ZMYND19: variants seen among roughly 807,000 people sequenced by gnomAD.
The protein encoded by ZMYND19 is zinc finger MYND domain-containing protein 19.
A neutral mutation model predicts 32.0 loss-of-function variants in ZMYND19; 17 were observed. That is an observed-to-expected ratio of 0.53 (90% CI 0.36 to 0.80). The LOEUF is 0.80. Among genes scored for constraint, ZMYND19 ranks in the 30% least tolerant of loss-of-function variants. ZMYND19 has a pLI of 0.00. For synonymous variants in ZMYND19, 124 were observed against 113.6 expected (o/e 1.09, Z -0.58); for missense variants, 250 against 293.6 (o/e 0.85, Z 1.09).
rs1325152851 is a variant in ZMYND19, at chr9:137,582,487, C to G, written c.*56G>C. The G allele has an allele frequency of 1.8e-5, 28 of 1,576,126 alleles. No homozygotes were observed. The highest frequency in any genetic ancestry group is 2.2e-5 in the Non-Finnish European group (26 of 1,160,654). ...TCCAGGTTCAACCACCAGTCTGTCT[C>G]TGCTGTGCCCAGGGTAGAGCCCGGG... On this transcript the variant is annotated 3_prime_UTR_variant, in exon 6 of 6. Coordinates refer to ENST00000298585, the MANE Select transcript of ZMYND19 (RefSeq NM_138462.3).
intron 2 of ZMYND19, among the ~76,000 whole-genome samples, 190 bp from the exon 3 acceptor site, chr9:137,588,013 ACT>A (rs564792433): frequency 3.0e-4 from 46 of 152,154 alleles, no homozygotes; most frequent in Admixed American, 5.9e-4. Context: ...GCCCACCACC[ACT>A]CTGTCTATTC....
chr9:137,582,539 C>T lies in ZMYND19; in HGVS notation c.*4G>A. On this transcript the variant is annotated 3_prime_UTR_variant, in exon 6 of 6. Coordinates refer to ENST00000298585, the MANE Select transcript of ZMYND19 (RefSeq NM_138462.3). The stretch of plus-strand genomic sequence containing the variant: ...GCTGTGAGTATGTGTGGCTCCCCTG[C>T]CCGTCATCGCTCTGGCTCAAGCTCA... 6.2e-7 allele frequency: 1 copy of T among 1,611,496 alleles called. No individual in the cohort carries two copies. Among genetic ancestry groups the T allele is most frequent in the Non-Finnish European group, 8.5e-7 (1 of 1,179,674 alleles).
rs1842156815 is a variant in ZMYND19, at chr9:137,582,422, C to A, written c.*121G>T. On this transcript the variant is annotated 3_prime_UTR_variant, in exon 6 of 6. Transcript: ENST00000298585. ...ACTGCCTGTGACATCGGGAGTCTCA[C>A]GGCAGCTGTCCTGGGCCCGCAGCTG... 5.0e-6 allele frequency: 7 copies of A among 1,403,190 alleles called. No homozygotes were observed. The highest frequency in any genetic ancestry group is 6.7e-6 in the Non-Finnish European group (7 of 1,047,162). 86.9% of individuals were successfully genotyped at this position (1,403,190 alleles called of 1,614,324 possible). A position where few individuals can be genotyped will look rare whatever the true frequency, so the allele number is the denominator to read the frequency against.
chr9:137,588,642 C>T lies in ZMYND19; in HGVS notation c.111+17G>A, dbSNP rs1223237588. The T allele has an allele frequency of 1.2e-6, 2 of 1,613,924 alleles. No homozygotes were observed. The highest frequency in any genetic ancestry group is 2.7e-5 in the African/African-American group (2 of 74,944). Reference sequence around the variant, plus strand: ...TGACCACGAGCATCAGGGGAGGGAACAGCCATCCTTACTTACCTCAAAGGA... The same window carrying T: ...TGACCACGAGCATCAGGGGAGGGAATAGCCATCCTTACTTACCTCAAAGGA... On this transcript the variant is annotated intron_variant, in intron 2 of 5. Transcript: ENST00000298585.
intron 4 of ZMYND19, among the ~76,000 whole-genome samples, chr9:137,585,257 T>A (rs1246478716): frequency 6.6e-6 from 1 of 151,332 alleles, no homozygotes; most frequent in Admixed American, 6.6e-5. Context: ...ATCCCACCTC[T>A]ACTAAAAATA....
intron 2 of ZMYND19, 40 bp from the exon 3 acceptor site, chr9:137,587,863 A>G: frequency 6.3e-7 from 1 of 1,580,228 alleles, no homozygotes; most frequent in South Asian, 1.1e-5. Flanking sequence ...AAAAACCTCC[A>G]ATTCTCAGCA....
rs1313817569 is a variant in ZMYND19 at position 137,587,069 on chromosome 9, A to C, written c.257T>G (p.Val86Gly). The change falls in exon 4 of 6, where the codon GTG (valine) becomes GGG (glycine). Residue 86 changes from valine (V) to glycine (G), a missense_variant. By Grantham distance (109) the Val-to-Gly change is moderately radical (BLOSUM62 -3). Coordinates refer to ENST00000298585, the MANE Select transcript of ZMYND19 (RefSeq NM_138462.3). ...CACGGTCACAGCGTTGAGGTGCACC[A>C]CCTGGAAGCCCGGGGCCACGCCCCC... ...HRGGVAPGFQ[V>G]VHLNAVTVDN... 6.2e-7 allele frequency: 1 copy of C among 1,609,740 alleles called. No individual in the cohort carries two copies. Among genetic ancestry groups the C allele is most frequent in the Admixed American group, 1.7e-5 (1 of 60,034 alleles).
chr9:137,587,701 G>A lies in ZMYND19; in HGVS notation c.218+16C>T. On this transcript the variant is annotated intron_variant, in intron 3 of 5. Coordinates refer to ENST00000298585, the MANE Select transcript of ZMYND19 (RefSeq NM_138462.3). ...AGCCCAGTGGCGGGGGGCAGAGACA[G>A]CTTGGAAACACCCACCACAGCAGCT... 6.2e-7 allele frequency: 1 copy of A among 1,612,222 alleles called. No individual in the cohort carries two copies. The highest frequency in any genetic ancestry group is 8.5e-7 in the Non-Finnish European group (1 of 1,178,548).
chr9:137,586,890 T>C (rs1588973874), intron 4 of ZMYND19, 77 bp downstream of exon 4: 4 of 1,588,670 alleles, frequency 2.5e-6, no homozygotes, highest in Non-Finnish European at 3.4e-6. Flanking sequence ...GGAGACCCTC[T>C]TGGAAACAAG....
intron 4 of ZMYND19, among the ~76,000 whole-genome samples, chr9:137,585,819 TCACCAAGCCCGAAA>T (rs1842197873): frequency 6.6e-6 from 1 of 152,182 alleles, no homozygotes; most frequent in Non-Finnish European, 1.5e-5. Context: ...CCACCAACCA[TCACCAAGCCCGAAA>T]CACTAAACCT....
At chr9:137,587,531 G>C (rs1043407249) in intron 3 of ZMYND19, 186 bp downstream of exon 3, 1 of 629,572 alleles carries the variant, frequency 1.6e-6, no homozygotes. Context: ...TCCACTTGGT[G>C]TTTGAAGTGC....
At chr9:137,589,379 C>T (rs1375787218) in intron 1 of ZMYND19, 3 of 985,324 alleles carry the variant, frequency 3.0e-6, no homozygotes, top group South Asian at 4.7e-5. Flanking sequence ...GGCAGTTTTT[C>T]TTCTGGGATC....
intron 4 of ZMYND19, among the ~76,000 whole-genome samples, chr9:137,583,467 C>CCCT (rs1842169915): frequency 6.6e-6 from 1 of 152,220 alleles, no homozygotes; most frequent in African/African-American, 2.4e-5. Flanking sequence ...GCGAGGCGGC[C>CCCT]CCTCTCCTTG....
Position 137,582,492 on chromosome 9 carries a change from G to T in ZMYND19, c.*51C>A. ...GTTCAACCACCAGTCTGTCTCTGCT[G>T]TGCCCAGGGTAGAGCCCGGGGGCTG... On this transcript the variant is annotated 3_prime_UTR_variant, in exon 6 of 6. Coordinates refer to ENST00000298585, the MANE Select transcript of ZMYND19 (RefSeq NM_138462.3). 6.3e-7 allele frequency: 1 copy of T among 1,581,936 alleles called. No homozygotes were observed.
At chr9:137,587,476 G>A (rs932728619) in intron 3 of ZMYND19, 19 of 598,050 alleles carry the variant, frequency 3.2e-5, no homozygotes, top group Middle Eastern at 9.0e-4. Flanking sequence ...AGCAACCACC[G>A]TCCCTCCAGA....
Position 137,590,194 on chromosome 9 carries a change from C to T in ZMYND19, c.51+19G>A, listed in dbSNP as rs1161878556. 2 of 1,076,548 alleles carry T rather than the reference C, an allele frequency of 1.9e-6. No homozygotes were observed. Among genetic ancestry groups the T allele is most frequent in the South Asian group, 2.5e-5 (1 of 39,446 alleles). 66.7% of individuals were successfully genotyped at this position (1,076,548 alleles called of 1,614,324 possible). A position where few individuals can be genotyped will look rare whatever the true frequency, so the allele number is the denominator to read the frequency against. On this transcript the variant is annotated intron_variant, in intron 1 of 5. Transcript: ENST00000298585. The surrounding 1 kb of genome is among the most constrained non-coding windows in gnomAD (Gnocchi z 4.2). ...TGGACGGGCGAGACGGGCCGGGTCGCGGGCTCCGCGCCGCTCACCTTCCCG... is the reference window on the plus strand; with the variant it reads ...TGGACGGGCGAGACGGGCCGGGTCGTGGGCTCCGCGCCGCTCACCTTCCCG...
chr9:137,589,249 G>T, intron 1 of ZMYND19: 1 of 794,594 alleles, frequency 1.3e-6, no homozygotes, highest in Non-Finnish European at 1.5e-6. Flanking sequence ...TCTCCGACCT[G>T]ACTGGAGAGC....
At chr9:137,588,979 C>T (rs543719451) in intron 1 of ZMYND19, 2 of 490,714 alleles carry the variant, frequency 4.1e-6, no homozygotes, top group South Asian at 5.0e-5. Flanking sequence ...TGGTATCAGG[C>T]TTCATCCTCG....
chr9:137,588,962 G>A (rs1468025969), intron 1 of ZMYND19: 2 of 513,974 alleles, frequency 3.9e-6, no homozygotes, highest in African/African-American at 1.9e-5. Flanking sequence ...GTCTGCGCCA[G>A]AGGAGCTGGT....
Sources: gnomAD v4.1 joint callset for allele counts (sites outside exome capture counted in the v4.1 genomes callset) on GRCh38, gnomAD v4.1.1 for gene constraint, Gnocchi (gnomAD v3.1) non-coding constraint, MANE v1.5 for transcripts, NCBI Gene and HGNC (gene_info 2026-07-23, HGNC 2026-07-21) for gene names.